Variants in HCFC1R1 observed in about 807,000 individuals in gnomAD.
HCFC1R1 encodes the protein host cell factor C1 regulator 1.
HCFC1R1 carries 17 observed loss-of-function variants against 13.3 expected under a neutral mutation model. The observed-to-expected ratio is 1.28, with a 90% confidence interval of 0.87 to 1.91. The LOEUF is 1.91. HCFC1R1 is among the 40% of genes most tolerant of loss of function. The probability of loss-of-function intolerance (pLI) is 0.00; values close to 1 mark genes in which losing one functional copy is unlikely to be tolerated. For missense variants in HCFC1R1, 218 were observed against 177.9 expected (o/e 1.23, Z -1.28); for synonymous variants, 87 against 71.1 (o/e 1.22, Z -1.12).
At chr16:3,023,946 T>G, upstream of HCFC1R1, 1 of 1,544,974 alleles carries the variant, frequency 6.5e-7, no homozygotes. Flanking sequence ...GATCATTGGG[T>G]TTTGGGGTCC....
intron 3 of HCFC1R1, 22 bp from the exon 4 acceptor site, chr16:3,023,020 A>C: frequency 2.5e-6 from 4 of 1,591,648 alleles, no homozygotes; most frequent in Non-Finnish European, 3.4e-6. Flanking sequence ...AATGACTGTC[A>C]GGGCATGGAG....
chr16:3,022,917 G>A lies in HCFC1R1; in HGVS notation c.363C>T (p.Asp121=). ...TTGCAGGGTAGGGGGGACTGGGGGTGTCCCCCAGCCTCAGCAGACGGAGGG... is the reference window on the plus strand; with the variant it reads ...TTGCAGGGTAGGGGGGACTGGGGGTATCCCCCAGCCTCAGCAGACGGAGGG... ...PEALRLLRLG[D]TPSPPYPATP... is the part of the protein sequence containing the mutation. The change falls in exon 4 of 4, where the codon GAC becomes GAT. Residue 121 remains aspartate, a synonymous_variant. Coordinates refer to ENST00000248089, the MANE Select transcript of HCFC1R1 (RefSeq NM_017885.4). 4 of 1,562,656 alleles carry A rather than the reference G, an allele frequency of 2.6e-6. No homozygotes were observed. The highest frequency in any genetic ancestry group is 2.6e-6 in the Non-Finnish European group (3 of 1,164,382).
intron 3 of HCFC1R1, 54 bp downstream of exon 3, chr16:3,023,179 G>T: frequency 6.6e-7 from 1 of 1,520,722 alleles, no homozygotes; most frequent in Non-Finnish European, 8.9e-7. Context: ...CCTGAGGTCA[G>T]CTGTGAGGAC....
intron 1 of HCFC1R1, 37 bp downstream of exon 1, chr16:3,023,810 G>A (rs2072693667): frequency 1.4e-6 from 2 of 1,457,454 alleles, no homozygotes; most frequent in African/African-American, 1.4e-5. Flanking sequence ...AGCTCCTGCG[G>A]CCCTTGGTCA....
At chr16:3,023,191 G>A (rs752623806) in intron 3 of HCFC1R1, 42 bp downstream of exon 3, 1 of 1,527,944 alleles carries the variant, frequency 6.5e-7, no homozygotes, top group Non-Finnish European at 8.8e-7. Context: ...TGTGAGGACC[G>A]CCTGTGATTC....
upstream of HCFC1R1, chr16:3,024,169 C>T (rs2072715995): frequency 1.1e-6 from 1 of 879,582 alleles, no homozygotes; most frequent in Non-Finnish European, 1.8e-6. Context: ...CGGGGGTCTT[C>T]GCGGCGCTCA....
In HCFC1R1 at chr16:3,022,857, C is replaced by T. The variant is rs758065695; in HGVS notation, c.*6G>A. On this transcript the variant is annotated 3_prime_UTR_variant, in exon 4 of 4. Transcript: ENST00000248089. ...GGAAGGTGGGAGGGGCACTGTCCAC[C>T]AGCACTCAGAGCTCCATTATGTCCC... The T allele has an allele frequency of 9.2e-6, 14 of 1,521,934 alleles. No individual in the cohort carries two copies. Among genetic ancestry groups the T allele is most frequent in the Non-Finnish European group, 1.1e-5 (13 of 1,146,356 alleles). 94.3% of individuals were successfully genotyped at this position (1,521,934 alleles called of 1,614,324 possible). A position where few individuals can be genotyped will look rare whatever the true frequency, so the allele number is the denominator to read the frequency against.
chr16:3,023,622 C>T (rs1408819257), intron 1 of HCFC1R1, 92 bp from the exon 2 acceptor site: 5 of 1,392,732 alleles, frequency 3.6e-6, no homozygotes, highest in Non-Finnish European at 3.8e-6. Flanking sequence ...CCAGGAGCCC[C>T]AAGCCCATTC....
intron 1 of HCFC1R1, 108 bp downstream of exon 1, chr16:3,023,739 G>A (rs2072689928): frequency 1.9e-6 from 2 of 1,076,524 alleles, no homozygotes; most frequent in Non-Finnish European, 2.7e-6. Flanking sequence ...TCACGCCTAA[G>A]CCCCGCCGAT....
chr16:3,023,686 C>T (rs1287706794), intron 1 of HCFC1R1, 156 bp from the exon 2 acceptor site: 19 of 1,074,970 alleles, frequency 1.8e-5, no homozygotes, highest in Non-Finnish European at 2.1e-5. Flanking sequence ...CAGGGTACCT[C>T]GGAAGTCTCG....
Position 3,023,366 on chromosome 16 carries a change from G to A in HCFC1R1, c.153-5C>T. ...AACTGCTTGCGCAGAGGCTCCCTGG[G>A]GAGAGATGGCAGAGAGGCAGGCTGG... On this transcript the variant is annotated splice_region_variant and splice_polypyrimidine_tract_variant and intron_variant, in intron 2 of 3. Transcript: ENST00000248089. The A allele has an allele frequency of 3.1e-6, 5 of 1,611,502 alleles. No individual in the cohort carries two copies. The highest frequency in any genetic ancestry group is 4.2e-6 in the Non-Finnish European group (5 of 1,178,330).
intron 1 of HCFC1R1, 31 bp from the exon 2 acceptor site, chr16:3,023,561 A>G: frequency 6.5e-7 from 1 of 1,545,652 alleles, no homozygotes; most frequent in Non-Finnish European, 8.7e-7. Context: ...GGTGCACCCC[A>G]CCCTCTTGGC....
chr16:3,023,912 G>T lies in HCFC1R1; in HGVS notation c.30C>A (p.Gly10=), dbSNP rs897088684. ...GGAGGCGCTGGGCCCCTCCCTGGGG[G>T]CCTCGCTGCAAGGGCTGCTGCAGGA... MILQQPLQR[G]PQGGAQRLPR... The change falls in exon 1 of 4, where the codon GGC becomes GGA. Residue 10 remains glycine, a synonymous_variant. Transcript: ENST00000248089. 1.7e-5 allele frequency: 27 copies of T among 1,557,608 alleles called. No individual in the cohort carries two copies. Among genetic ancestry groups the T allele is most frequent in the Non-Finnish European group, 2.3e-5 (27 of 1,154,318 alleles).
chr16:3,024,226 C>T (rs2072718948), upstream of HCFC1R1: 3 of 1,497,404 alleles, frequency 2.0e-6, no homozygotes, highest in Non-Finnish European at 1.8e-6. Flanking sequence ...CACCTTCGCG[C>T]CGAAGGCGGT....
Position 3,022,932 on chromosome 16 carries a change from C to T in HCFC1R1, c.348G>A (p.Leu116=), listed in dbSNP as rs901834806. Residue 116 remains leucine (L), a synonymous_variant, in exon 4 of 4, where the codon CTG becomes CTA. Coordinates refer to ENST00000248089, the MANE Select transcript of HCFC1R1 (RefSeq NM_017885.4). ...PGSLIPEALR[L]LRLGDTPSPP... Reference sequence around the variant, plus strand: ...GACTGGGGGTGTCCCCCAGCCTCAGCAGACGGAGGGCCTCAGGGATGAGGC... The same window carrying T: ...GACTGGGGGTGTCCCCCAGCCTCAGTAGACGGAGGGCCTCAGGGATGAGGC... The T allele has an allele frequency of 2.5e-6, 4 of 1,574,004 alleles. No individual in the cohort carries two copies. The highest frequency in any genetic ancestry group is 2.4e-5 in the East Asian group (1 of 42,454).
At chr16:3,023,404 G>A (rs1567410932) in intron 2 of HCFC1R1, 43 bp from the exon 3 acceptor site, 1 of 1,613,670 alleles carries the variant, frequency 6.2e-7, no homozygotes, top group Non-Finnish European at 8.5e-7. Context: ...TACTGACACA[G>A]GAGGCAGCCT....
chr16:3,023,806 T>G (rs937799465), intron 1 of HCFC1R1, 41 bp downstream of exon 1: 15 of 1,439,786 alleles, frequency 1.0e-5, no homozygotes, highest in Non-Finnish European at 1.3e-5. Flanking sequence ...CCAAAGCTCC[T>G]GCGGCCCTTG....
In HCFC1R1 at chr16:3,023,898, G is replaced by T. The variant is rs2072698411; in HGVS notation, c.44C>A (p.Ala15Asp). 2 of 1,557,616 alleles carry T rather than the reference G, an allele frequency of 1.3e-6. No individual in the cohort carries two copies. Among genetic ancestry groups the T allele is most frequent in the South Asian group, 1.2e-5 (1 of 85,284 alleles). ...QPLQRGPQGG[A>D]QRLPRAALGV... Reference sequence around the variant, plus strand: ...CAAGGCGGCCCGCGGGAGGCGCTGGGCCCCTCCCTGGGGGCCTCGCTGCAA... The same window carrying T: ...CAAGGCGGCCCGCGGGAGGCGCTGGTCCCCTCCCTGGGGGCCTCGCTGCAA... Residue 15 changes from alanine to aspartate, a missense_variant, in exon 1 of 4, where the codon GCC (alanine) becomes GAC (aspartate). Coordinates refer to ENST00000248089, the MANE Select transcript of HCFC1R1 (RefSeq NM_017885.4).
At chr16:3,023,092 C>T (rs2072654894) in intron 3 of HCFC1R1, 94 bp from the exon 4 acceptor site, 19 of 1,529,326 alleles carry the variant, frequency 1.2e-5, no homozygotes, top group Non-Finnish European at 1.5e-5. Flanking sequence ...TCCTGGGTTC[C>T]CAGCACTTTC....
Sources: allele counts gnomAD v4.1 joint callset, GRCh38; gene constraint gnomAD v4.1.1; transcripts MANE v1.5; gene names NCBI Gene and HGNC (gene_info 2026-07-23, HGNC 2026-07-21).